The following CLIC6 variants were observed in gnomAD, a reference collection of about 807,000 sequenced individuals.
CLIC6 encodes CLIC family member 6.
Under a neutral mutation model 49.2 loss-of-function variants are expected in CLIC6, and 39 were observed. That is an observed-to-expected ratio of 0.79 (90% confidence interval 0.61 to 1.04). The LOEUF (loss-of-function observed/expected upper bound fraction) is 1.04. Among genes scored for constraint, CLIC6 ranks in the 50% least tolerant of loss-of-function variants. The pLI, the probability that CLIC6 is intolerant of heterozygous loss-of-function variation, is 0.00. For missense variants in CLIC6, 988 were observed against 993.1 expected, an observed-to-expected ratio of 0.99 and a Z score of 0.07; for synonymous variants, 446 against 433.4, an observed-to-expected ratio of 1.03 and a Z score of -0.36.
intron 1 of CLIC6, among the ~76,000 whole-genome samples, chr21:34,676,520 A>G (rs887949680): frequency 6.6e-6 from 1 of 152,234 alleles, no homozygotes; most frequent in African/African-American, 2.4e-5. Flanking sequence ...CCTGCACTGC[A>G]AAGACCATGT....
At chr21:34,681,841 C>T (rs1040978795) in intron 1 of CLIC6, among the ~76,000 whole-genome samples, 1 of 152,096 alleles carries the variant, frequency 6.6e-6, no homozygotes, top group African/African-American at 2.4e-5. Context: ...TTAGGCTCCA[C>T]CAATTAAAAG....
intron 1 of CLIC6, among the ~76,000 whole-genome samples, chr21:34,686,003 G>T (rs1165946049): frequency 2.6e-5 from 4 of 152,160 alleles, no homozygotes; most frequent in African/African-American, 9.7e-5. Context: ...CATCACCAAG[G>T]TCTGCTTTTT....
chr21:34,711,700 G>A (rs894428993), intron 5 of CLIC6, among the ~76,000 whole-genome samples: 13 of 151,884 alleles, frequency 8.6e-5, no homozygotes, highest in Non-Finnish European at 2.9e-5. Flanking sequence ...TTCCCCTCTC[G>A]GTCCTGGCCC....
chr21:34,689,729 AATGT>A (rs1989954633), intron 1 of CLIC6, among the ~76,000 whole-genome samples: 2 of 152,008 alleles, frequency 1.3e-5, no homozygotes, highest in Non-Finnish European at 2.9e-5. Context: ...GACGCTGTGC[AATGT>A]CAGGCTGGGG....
At position 34,669,460 on chromosome 21, in the gene CLIC6, G is replaced by A. The variant is rs1478573537; in HGVS notation, c.72G>A (p.Leu24=). 1 of 1,234,466 alleles carries A rather than the reference G, an allele frequency of 8.1e-7. No homozygotes were observed. Among genetic ancestry groups the A allele is most frequent in the African/African-American group, 1.6e-5 (1 of 64,422 alleles). 76.5% of individuals were successfully genotyped at this position (1,234,466 alleles called of 1,614,324 possible). A position where few individuals can be genotyped will look rare whatever the true frequency, so the allele number is the denominator to read the frequency against. The change falls in exon 1 of 6, where the codon CTG becomes CTA. Residue 24 remains leucine (L), a synonymous_variant. Transcript: ENST00000349499. The part of the protein sequence containing the change: ...PQGPPEVPAP[L]AERPGEPGAA... The stretch of plus-strand genomic sequence containing the variant: ...GGCCGCCGGAGGTCCCCGCGCCTCT[G>A]GCTGAGAGACCCGGAGAGCCAGGAG...
At chr21:34,705,934 C>T in intron 1 of CLIC6, 1 of 523,282 alleles carries the variant, frequency 1.9e-6, no homozygotes, top group Admixed American at 3.3e-5. Context: ...GTTAAAAATT[C>T]ACATTCCTAG....
chr21:34,695,706 T>C (rs1990076966), intron 1 of CLIC6, among the ~76,000 whole-genome samples: 1 of 152,244 alleles, frequency 6.6e-6, no homozygotes, highest in Admixed American at 6.5e-5. Flanking sequence ...CTTTCCTACA[T>C]GAGGAAGTGG....
Position 34,669,549 on chromosome 21 carries a change from C to T in CLIC6, c.161C>T (p.Ala54Val). The part of the protein sequence containing the change: ...SEGAEEAPRG[A>V]AAVKEAGGGG... ...GGCGCAGAGGAGGCGCCGAGGGGCG[C>T]CGCCGCTGTGAAGGAGGCAGGAGGC... Residue 54 changes from alanine to valine, a missense_variant, in exon 1 of 6, where the codon GCC becomes GTC. Transcript: ENST00000349499. 8.0e-7 allele frequency: 1 copy of T among 1,244,890 alleles called. No individual in the cohort carries two copies. The highest frequency in any genetic ancestry group is 1.0e-6 in the Non-Finnish European group (1 of 996,412). 77.1% of individuals were successfully genotyped at this position (1,244,890 alleles called of 1,614,324 possible). A position where few individuals can be genotyped will look rare whatever the true frequency, so the allele number is the denominator to read the frequency against.
intron 1 of CLIC6, among the ~76,000 whole-genome samples, chr21:34,688,253 A>T (rs371141938): frequency 6.6e-6 from 1 of 152,208 alleles, no homozygotes. Flanking sequence ...AATTCTCATC[A>T]GTGTGGCCGC....
intron 5 of CLIC6, among the ~76,000 whole-genome samples, chr21:34,711,375 T>TA (rs1478532412): frequency 6.6e-6 from 1 of 151,678 alleles, no homozygotes; most frequent in African/African-American, 2.4e-5. Flanking sequence ...CTACAAAAAA[T>TA]AAAAAAATTA....
intron 1 of CLIC6, among the ~76,000 whole-genome samples, chr21:34,671,121 TAAAAAA>T (rs58413747): frequency 2.6e-5 from 3 of 115,990 alleles, no homozygotes; most frequent in East Asian, 2.6e-4. Flanking sequence ...ACTAAAAAGT[TAAAAAA>T]AAAAAAAAAA....
At chr21:34,702,958 AC>A (rs1015399050) in intron 1 of CLIC6, among the ~76,000 whole-genome samples, 61 of 152,000 alleles carry the variant, frequency 4.0e-4, no homozygotes, top group African/African-American at 1.3e-3. Context: ...TCCTCTGGTC[AC>A]CTACTGTTTT....
In CLIC6 at chr21:34,669,402, C is replaced by A. The variant is rs779554823; in HGVS notation, c.14C>A (p.Ala5Glu). The change falls in exon 1 of 6, where the codon GCG becomes GAG. Residue 5 changes from alanine (A) to glutamate (E), a missense_variant. Ala to Glu is a moderately radical substitution (Grantham distance 107, BLOSUM62 -1). Coordinates refer to ENST00000349499, the MANE Select transcript of CLIC6 (RefSeq NM_053277.3). ...GGATCTGCGGCCATGGCCGAGGCCG[C>A]GGAGCCGGAGGGGGTTGCCCCGGGT... MAEAAEPEGVAPGPQ... is the reference protein window; with the variant it reads MAEAEEPEGVAPGPQ... 6.4e-5 allele frequency: 79 copies of A among 1,236,674 alleles called. No individual in the cohort carries two copies. The highest frequency in any genetic ancestry group is 7.1e-6 in the Non-Finnish European group (7 of 990,678). 76.6% of individuals were successfully genotyped at this position (1,236,674 alleles called of 1,614,324 possible). A position where few individuals can be genotyped will look rare whatever the true frequency, so the allele number is the denominator to read the frequency against.
intron 1 of CLIC6, among the ~76,000 whole-genome samples, chr21:34,694,402 G>T (rs1334808234): frequency 6.6e-6 from 1 of 152,046 alleles, no homozygotes; most frequent in Non-Finnish European, 1.5e-5. Flanking sequence ...GACCTCCTGG[G>T]CTCAAGCAAT....
chr21:34,699,790 G>C lies in CLIC6; in HGVS notation c.1375-7490G>C, dbSNP rs550070901. On this transcript the variant is annotated intron_variant, in intron 1 of 5. Coordinates refer to ENST00000349499, the MANE Select transcript of CLIC6 (RefSeq NM_053277.3). ...GGAGGTTTAATAGGCAAAAGAAAGA[G>C]AAAAAAGAATAGCTCTCCTTCCTGC... Among the ~76,000 whole-genome samples the C allele has an allele frequency of 2.9e-4, 44 of 152,252 alleles. No individual in the cohort carries two copies. The South Asian group carries it at 6.0e-3, about 21-fold the overall frequency.
At chr21:34,707,257 GA>G (rs777807885) in intron 1 of CLIC6, 22 bp from the exon 2 acceptor site, 5 of 1,563,548 alleles carry the variant, frequency 3.2e-6, no homozygotes, top group South Asian at 2.2e-5. Flanking sequence ...GGCTCAGATA[GA>G]AATCTCCTTC....
chr21:34,702,023 C>G (rs1039851459), intron 1 of CLIC6, among the ~76,000 whole-genome samples: 1 of 152,112 alleles, frequency 6.6e-6, no homozygotes, highest in Non-Finnish European at 1.5e-5. Flanking sequence ...AGCTCATGGA[C>G]TTTGGCCCAG....
chr21:34,698,208 G>A (rs1382330499), intron 1 of CLIC6, among the ~76,000 whole-genome samples: 1 of 152,196 alleles, frequency 6.6e-6, no homozygotes, highest in African/African-American at 2.4e-5. Context: ...CCGTGGTCCT[G>A]GCCCTGTGCT....
At position 34,717,346 on chromosome 21, in the gene CLIC6, G is replaced by C. The variant is rs2145824753; in HGVS notation, c.*864G>C. 6.6e-6 allele frequency: 1 copy of C among 152,354 alleles called. No individual in the cohort carries two copies. Among genetic ancestry groups the C allele is most frequent in the South Asian group, 2.1e-4 (1 of 4,826 alleles). The allele number at this position is 152,354 out of a possible 1,614,324, so 9.4% of individuals were successfully genotyped here. A position where few individuals can be genotyped will look rare whatever the true frequency, so the allele number is the denominator to read the frequency against. On this transcript the variant is annotated 3_prime_UTR_variant, in exon 6 of 6. Transcript: ENST00000349499. Reference sequence around the variant, plus strand: ...AAGCACACTTTGGTTCCTTCTCCGGGCGGCTCTCTCTGAGACCCAAGGCTG... The same window carrying C: ...AAGCACACTTTGGTTCCTTCTCCGGCCGGCTCTCTCTGAGACCCAAGGCTG...
Sources: allele counts gnomAD v4.1 joint callset (sites outside exome capture counted in the v4.1 genomes callset), GRCh38; gene constraint gnomAD v4.1.1; transcripts MANE v1.5; gene names NCBI Gene and HGNC (gene_info 2026-07-23, HGNC 2026-07-21).